The following PTPRN variants were observed in gnomAD, a reference collection of about 807,000 sequenced individuals.
PTPRN encodes the protein receptor-type tyrosine-protein phosphatase-like N.
In PTPRN, 70 loss-of-function variants were observed where a neutral mutation model predicts 108.5. That is an observed-to-expected ratio of 0.65 (90% CI 0.53 to 0.79). PTPRN has a LOEUF of 0.79. Among genes scored for constraint, PTPRN ranks in the 30% least tolerant of loss-of-function variants. The probability of loss-of-function intolerance (pLI) is 0.00; values close to 1 mark genes in which losing one functional copy is unlikely to be tolerated. For missense variants in PTPRN, 1,136 were observed against 1,295.5 expected (o/e 0.88, Z 1.89); for synonymous variants, 496 against 524.6 (o/e 0.95, Z 0.75).
chr2:219,296,951 G>A lies in PTPRN; in HGVS notation c.2236+34C>T, dbSNP rs113820410. On this transcript the variant is annotated intron_variant, in intron 15 of 22. Coordinates refer to ENST00000295718, the MANE Select transcript of PTPRN (RefSeq NM_002846.4). This position sits in a 1 kb window ranked among gnomAD's most constrained non-coding sequence, Gnocchi z 6.0. ...CCTCCAGACCTCGCAGCAGAGAGAG[G>A]GCTGGGCCAGGTGGGCCAGCAGGGT... The A allele has an allele frequency of 1.2e-6, 2 of 1,613,200 alleles. No individual in the cohort carries two copies. Among genetic ancestry groups the A allele is most frequent in the Admixed American group, 1.7e-5 (1 of 59,994 alleles).
chr2:219,298,525 T>A (rs1442604806), intron 12 of PTPRN, among the ~76,000 whole-genome samples: 4 of 151,924 alleles, frequency 2.6e-5, no homozygotes, highest in Non-Finnish European at 5.9e-5. Flanking sequence ...GCCAACATGG[T>A]GAAACCCCAT....
intron 19 of PTPRN, chr2:219,294,099 G>A: frequency 1.9e-6 from 1 of 529,472 alleles, no homozygotes; most frequent in Non-Finnish European, 3.9e-6. Context: ...TGTCCTGTCT[G>A]TCCATGCAGC....
At chr2:219,303,659 C>G in intron 4 of PTPRN, 76 bp downstream of exon 4, 1 of 1,419,010 alleles carries the variant, frequency 7.0e-7, no homozygotes, top group Admixed American at 1.8e-5. Flanking sequence ...CTTCCTTCCC[C>G]TTCTCTCCAT....
At chr2:219,308,851 C>T in intron 1 of PTPRN, 7 of 1,324,064 alleles carry the variant, frequency 5.3e-6, no homozygotes, top group Non-Finnish European at 7.0e-6. Flanking sequence ...CCCGCCACCT[C>T]CCCTTCCCAT....
chr2:219,299,263 G>A (rs965802041), intron 11 of PTPRN, 42 bp downstream of exon 11: 1 of 1,608,240 alleles, frequency 6.2e-7, no homozygotes, highest in Non-Finnish European at 8.5e-7. Flanking sequence ...TTAGGAGTGG[G>A]GCTGGGGCCA....
chr2:219,290,891 C>T lies in PTPRN; in HGVS notation c.2730-1G>A. ...GGTGCCGGTCCTCCCCGCACCATCA[C>T]TGAAACAGGAGTTAGTGACAGGTTT... On this transcript the variant is annotated splice_acceptor_variant, in intron 20 of 22. Transcript: ENST00000295718. LOFTEE classifies it high-confidence loss of function. The surrounding 1 kb of genome is among the most constrained non-coding windows in gnomAD (Gnocchi z 4.2). 1 of 1,613,772 alleles carries T rather than the reference C, an allele frequency of 6.2e-7. No homozygotes were observed. The highest frequency in any genetic ancestry group is 8.5e-7 in the Non-Finnish European group (1 of 1,179,778).
chr2:219,301,041 T>C (rs2292606), intron 7 of PTPRN, 64 bp from the exon 8 acceptor site: 147,841 of 1,524,312 alleles, frequency 0.097, 7,630 homozygotes, highest in South Asian at 0.13. Flanking sequence ...ACAACACAAG[T>C]GGGAGAAAGG....
At chr2:219,304,336 T>A (rs1952430436) in intron 3 of PTPRN, among the ~76,000 whole-genome samples, 1 of 152,176 alleles carries the variant, frequency 6.6e-6, no homozygotes, top group Admixed American at 6.5e-5. Flanking sequence ...GAAGATCAAG[T>A]GTGATCAGGG....
In PTPRN at chr2:219,297,830, A is replaced by G; in HGVS notation, c.1887+55T>C. The G allele has an allele frequency of 6.5e-7, 1 of 1,529,512 alleles. No homozygotes were observed. The highest frequency in any genetic ancestry group is 8.8e-7 in the Non-Finnish European group (1 of 1,132,168). 94.7% of individuals were successfully genotyped at this position (1,529,512 alleles called of 1,614,324 possible). On this transcript the variant is annotated intron_variant, in intron 13 of 22. Transcript: ENST00000295718. This position sits in a 1 kb window ranked among gnomAD's most constrained non-coding sequence, Gnocchi z 6.0. ...CCGACCCTTAGTCCACGCAAGACCC[A>G]GACTCCCAGGCCCCTTGCATTTCCT...
chr2:219,307,335 G>A, intron 3 of PTPRN, 109 bp downstream of exon 3: 1 of 898,232 alleles, frequency 1.1e-6, no homozygotes. Flanking sequence ...ATGGGAAGGT[G>A]AGGCTCCAGC....
intron 18 of PTPRN, chr2:219,295,366 C>T: frequency 1.9e-6 from 1 of 519,974 alleles, no homozygotes; most frequent in South Asian, 2.7e-5. Context: ...GTGAGCCTCT[C>T]GAGGTCGGAG....
In PTPRN at chr2:219,309,249, G is replaced by A; in HGVS notation, c.84C>T (p.Arg28=). Residue 28 remains arginine, a synonymous_variant, in exon 1 of 23, where the codon CGC becomes CGT. Transcript: ENST00000295718. ...CACTAACGGCGCTGCAGCCCCCCGG[G>A]CGGCTGCTCAGCAGCAGGAGGCAGA... is the stretch of plus-strand genomic sequence containing the variant. ...LLLCLLLLSS[R]PGGCSAVSAH... 2.6e-6 allele frequency: 4 copies of A among 1,538,478 alleles called. No individual in the cohort carries two copies. The highest frequency in any genetic ancestry group is 3.5e-6 in the Non-Finnish European group (4 of 1,146,476).
intron 1 of PTPRN, 42 bp downstream of exon 1, chr2:219,309,176 T>TCCCCCCCCCCCC (rs2125100098): frequency 4.8e-5 from 66 of 1,364,180 alleles, no homozygotes; most frequent in Middle Eastern, 1.8e-4. Flanking sequence ...CCCAAGCTGC[T>TCCCCCCCCCCCC]CCCCGCCCCC....
Position 219,290,314 on chromosome 2 carries a change from G to C in PTPRN, c.2869-17C>G. ...AAACTGGTCCTGAGGAAGGGCAGTG[G>C]TAGGATGGTCATGGAGAGGGCTGAC... On this transcript the variant is annotated splice_polypyrimidine_tract_variant and intron_variant, in intron 22 of 22. Transcript: ENST00000295718. This position sits in a 1 kb window ranked among gnomAD's most constrained non-coding sequence, Gnocchi z 4.2. The C allele has an allele frequency of 1.2e-6, 2 of 1,612,230 alleles. No individual in the cohort carries two copies. Among genetic ancestry groups the C allele is most frequent in the South Asian group, 2.2e-5 (2 of 90,898 alleles).
chr2:219,296,535 C>T lies in PTPRN; in HGVS notation c.2311-19G>A, dbSNP rs1401936889. On this transcript the variant is annotated intron_variant, in intron 16 of 22. Coordinates refer to ENST00000295718, the MANE Select transcript of PTPRN (RefSeq NM_002846.4). The surrounding 1 kb of genome is among the most constrained non-coding windows in gnomAD (Gnocchi z 6.0). ...GCTCAATCTGGAGGCAGGGAAGATA[C>T]ACCATGAGCCAGTGTGGGAAATGCC... 2.5e-6 allele frequency: 4 copies of T among 1,613,338 alleles called. No homozygotes were observed. The South Asian group carries it at 3.3e-5, about 13-fold the overall frequency.
Position 219,290,094 on chromosome 2 carries a change from C to T in PTPRN, c.*132G>A. The stretch of plus-strand genomic sequence containing the variant: ...GGCGTGCCCCTTCTGGCTTTCCCTT[C>T]CTGACTCTTCTAGGAAGGGCTGAGC... On this transcript the variant is annotated 3_prime_UTR_variant, in exon 23 of 23. Coordinates refer to ENST00000295718, the MANE Select transcript of PTPRN (RefSeq NM_002846.4). The surrounding 1 kb of genome is among the most constrained non-coding windows in gnomAD (Gnocchi z 4.2). The T allele has an allele frequency of 1.1e-6, 1 of 882,542 alleles. No homozygotes were observed. The highest frequency in any genetic ancestry group is 1.8e-6 in the Non-Finnish European group (1 of 557,052). The allele number at this position is 882,542 out of a possible 1,614,324, so 54.7% of individuals were successfully genotyped here. A position where few individuals can be genotyped will look rare whatever the true frequency, so the allele number is the denominator to read the frequency against.
intron 18 of PTPRN, 73 bp from the exon 19 acceptor site, chr2:219,295,214 A>T: frequency 6.5e-7 from 1 of 1,541,818 alleles, no homozygotes; most frequent in Non-Finnish European, 8.8e-7. Flanking sequence ...TCTCCTCGCG[A>T]CCTTCTCGGT....
In PTPRN at chr2:219,300,938, C is replaced by T; in HGVS notation, c.1161+5G>A. The T allele has an allele frequency of 1.2e-6, 2 of 1,614,034 alleles. No homozygotes were observed. The highest frequency in any genetic ancestry group is 1.7e-6 in the Non-Finnish European group (2 of 1,179,936). ...TTATGAGTCAAGGAGGTGCTGGGGA[C>T]TCACTTTCTTGATATCAGCTCCAAC... On this transcript the variant is annotated splice_donor_5th_base_variant and intron_variant, in intron 8 of 22. Transcript: ENST00000295718.
chr2:219,296,528 G>A lies in PTPRN; in HGVS notation c.2311-12C>T. On this transcript the variant is annotated splice_polypyrimidine_tract_variant and intron_variant, in intron 16 of 22. Transcript: ENST00000295718. The surrounding 1 kb of genome is among the most constrained non-coding windows in gnomAD (Gnocchi z 6.0). ...GGGTCATGCTCAATCTGGAGGCAGG[G>A]AAGATACACCATGAGCCAGTGTGGG... is the stretch of plus-strand genomic sequence containing the variant. The A allele has an allele frequency of 6.2e-7, 1 of 1,613,856 alleles. No homozygotes were observed. The highest frequency in any genetic ancestry group is 1.1e-5 in the South Asian group (1 of 91,060).
Sources: allele counts gnomAD v4.1 joint callset (sites outside exome capture counted in the v4.1 genomes callset), GRCh38; gene constraint gnomAD v4.1.1; non-coding constraint Gnocchi (gnomAD v3.1); transcripts MANE v1.5; gene names NCBI Gene and HGNC (gene_info 2026-07-23, HGNC 2026-07-21).